Variants in TBX1 observed in about 807,000 individuals in gnomAD.
TBX1 encodes T-box transcription factor 1.
A neutral mutation model predicts 40.8 loss-of-function variants in TBX1; 16 were observed. The ratio of observed to expected loss-of-function variants is 0.39; its 90% CI spans 0.27 to 0.60. TBX1 has a LOEUF of 0.60. Among genes scored for constraint, TBX1 ranks in the 20% least tolerant of loss-of-function variants. The pLI, the probability that TBX1 is intolerant of heterozygous loss-of-function variation, is 0.51. For missense variants in TBX1, 755 were observed against 728.5 expected, an observed-to-expected ratio of 1.04 and a Z score of -0.42; for synonymous variants, 403 against 336.8, an observed-to-expected ratio of 1.20 and a Z score of -2.15.
At chr22:19,763,073 C>T (rs1412402967) in intron 1 of TBX1, among the ~76,000 whole-genome samples, 168 bp from the exon 2 acceptor site, 3 of 152,180 alleles carry the variant, frequency 2.0e-5, no homozygotes, top group African/African-American at 7.2e-5. Context: ...AGGGGCCTGC[C>T]CAGATTAGAG....
chr22:19,767,049 A>T lies in TBX1; in HGVS notation c.*182A>T. ...CTCGCCACCCCCAGCCCCTTGGGCT[A>T]TCGAAGTATCCGGTTCCCCAGTCCC... On this transcript the variant is annotated 3_prime_UTR_variant, in exon 7 of 7. Coordinates refer to ENST00000649276, the MANE Select transcript of TBX1 (RefSeq NM_001379200.1). 2 of 1,309,136 alleles carry T rather than the reference A, an allele frequency of 1.5e-6. No individual in the cohort carries two copies. The highest frequency in any genetic ancestry group is 1.9e-6 in the Non-Finnish European group (2 of 1,032,994). The allele number at this position is 1,309,136 out of a possible 1,614,324, so 81.1% of individuals were successfully genotyped here. A position where few individuals can be genotyped will look rare whatever the true frequency, so the allele number is the denominator to read the frequency against.
chr22:19,768,546 C>A (rs1411626575), downstream of TBX1, among the ~76,000 whole-genome samples: 1 of 152,112 alleles, frequency 6.6e-6, no homozygotes, highest in African/African-American at 2.4e-5. Flanking sequence ...TTTGGGGGGA[C>A]GGCTGTGGAT....
chr22:19,765,877 G>T, intron 5 of TBX1, 25 bp from the exon 6 acceptor site: 1 of 1,553,046 alleles, frequency 6.4e-7, no homozygotes, highest in Non-Finnish European at 8.7e-7. Context: ...CGCAGGCGCC[G>T]CCCTGATCCG....
At chr22:19,770,602 G>A (rs1194257477), downstream of TBX1, among the ~76,000 whole-genome samples, 1 of 152,232 alleles carries the variant, frequency 6.6e-6, no homozygotes, top group Non-Finnish European at 1.5e-5. Flanking sequence ...CTGGCCCGGT[G>A]GAGATGAGAC....
In TBX1 at chr22:19,765,110, T is replaced by G. The variant is rs2145835334; in HGVS notation, c.864T>G (p.His288Gln). Residue 288 changes from histidine to glutamine, a missense_variant, in exon 4 of 7, where the codon CAT becomes CAG. By Grantham distance (24) the His-to-Gln change is conservative. Coordinates refer to ENST00000649276, the MANE Select transcript of TBX1 (RefSeq NM_001379200.1). ...CCGCGGTCACTGCCTACCAGAACCA[T>G]CGGGTGAGGGCCTGTGGGGAGGACC... The part of the protein sequence containing the change: ...RFTAVTAYQN[H>Q]RITQLKIASN... 1 of 1,614,142 alleles carries G rather than the reference T, an allele frequency of 6.2e-7. No individual in the cohort carries two copies. Among genetic ancestry groups the G allele is most frequent in the East Asian group, 2.2e-5 (1 of 44,884 alleles).
intron 2 of TBX1, 87 bp downstream of exon 2, chr22:19,763,429 G>A (rs993672739): frequency 8.0e-6 from 10 of 1,253,032 alleles, no homozygotes; most frequent in East Asian, 4.7e-5. Flanking sequence ...TCCAAGGGTC[G>A]TCTGCACCAT....
In TBX1 at chr22:19,764,213, GGC is replaced by G; in HGVS notation, c.599_600del (p.Gly200AlafsTer61). ...GGGGAAGGCCGACCCTGCCACGCCAGGCCGCGTGCACTACCACCCGGACTCGC... is the reference window on the plus strand; with the variant it reads ...GGGGAAGGCCGACCCTGCCACGCCAGCGCGTGCACTACCACCCGGACTCGC... ...VAGKADPATP[G>X]RVHYHPDSPA... On this transcript the variant is annotated frameshift_variant, in exon 3 of 7. Transcript: ENST00000649276. LOFTEE classifies it high-confidence loss of function. 1 of 1,613,006 alleles carries G rather than the reference GGC, an allele frequency of 6.2e-7. No individual in the cohort carries two copies. The highest frequency in any genetic ancestry group is 8.5e-7 in the Non-Finnish European group (1 of 1,179,938).
In TBX1 at chr22:19,767,275, G is replaced by T; in HGVS notation, c.*408G>T. Reference sequence around the variant, plus strand: ...GGCGGTGTAGATACATGTAGATACTGTAGATACTGTAGATACCGCCCCGGC... The same window carrying T: ...GGCGGTGTAGATACATGTAGATACTTTAGATACTGTAGATACCGCCCCGGC... On this transcript the variant is annotated 3_prime_UTR_variant, in exon 7 of 7. Transcript: ENST00000649276. 1.0e-6 allele frequency: 1 copy of T among 1,001,884 alleles called. No homozygotes were observed. The highest frequency in any genetic ancestry group is 1.2e-6 in the Non-Finnish European group (1 of 841,072). 62.1% of individuals were successfully genotyped at this position (1,001,884 alleles called of 1,614,324 possible).
chr22:19,782,363 C>T (rs549605738), downstream of TBX1, among the ~76,000 whole-genome samples: 2 of 152,242 alleles, frequency 1.3e-5, no homozygotes, highest in South Asian at 2.1e-4. Context: ...ACAAGTCTTT[C>T]ACCTCCCTAG....
chr22:19,773,725 C>T (rs370831523), intron 8 of TBX1, among the ~76,000 whole-genome samples: 2 of 152,344 alleles, frequency 1.3e-5, no homozygotes, highest in African/African-American at 4.8e-5. Context: ...AGGATGGAGC[C>T]CCAGGCATCT....
chr22:19,763,960 G>A (rs1936750996), intron 2 of TBX1, among the ~76,000 whole-genome samples, 195 bp from the exon 3 acceptor site: 1 of 152,218 alleles, frequency 6.6e-6, no homozygotes. Flanking sequence ...ATTGTTTTGA[G>A]TGTTGGGGTG....
chr22:19,771,592 T>C (rs41300456), downstream of TBX1, among the ~76,000 whole-genome samples: 1,617 of 152,318 alleles, frequency 0.011, 17 homozygotes, highest in Non-Finnish European at 0.016. Flanking sequence ...TTGCACAAAG[T>C]AAGCACGTAA....
At chr22:19,765,248 G>T in intron 4 of TBX1, 135 bp downstream of exon 4, 1 of 1,365,726 alleles carries the variant, frequency 7.3e-7, no homozygotes, top group Non-Finnish European at 1.0e-6. Flanking sequence ...AACCCAACTG[G>T]AGCCCCACTC....
Position 19,778,457 on chromosome 22 carries a change from G to A in TBX1, c.1010-763G>A, listed in dbSNP as rs149270616. ...TCTTCTTCTTTTTTTTTTTTGAGAC[G>A]GAGTTTCGTTCTGGTTGCCCAGGCT... On this transcript the variant is annotated intron_variant, in intron 8 of 8. Coordinates refer to the TBX1 transcript ENST00000329705. 5.3e-3 allele frequency among the ~76,000 whole-genome samples: 777 copies of A among 145,648 alleles called. 8 individuals are homozygous for A. Among genetic ancestry groups the A allele is most frequent in the African/African-American group, 0.017 (652 of 39,232 alleles).
At position 19,772,794 on chromosome 22, in the gene TBX1, T is replaced by G. The variant is rs1318915861; in HGVS notation, c.1010-6426T>G. On this transcript the variant is annotated intron_variant, in intron 8 of 8. Transcript: ENST00000329705. ...CCCAGTCTACCCAGTTGCTCATGGC[T>G]GTGGTTTGGACCTTCAGCCATGAGG... Among the ~76,000 whole-genome samples the G allele has an allele frequency of 2.0e-5, 3 of 152,344 alleles. No individual in the cohort carries two copies. In the South Asian group the frequency reaches 6.2e-4, roughly 32 times the overall value.
In TBX1 at chr22:19,766,762, AGCCGCCGCGGCCGCCGCC is replaced by A. The variant is rs780815537; in HGVS notation, c.1416_1433del (p.Ala480_Ala485del). 6.7e-7 allele frequency: 1 copy of A among 1,488,686 alleles called. No individual in the cohort carries two copies. Among genetic ancestry groups the A allele is most frequent in the African/African-American group, 1.5e-5 (1 of 67,474 alleles). 92.2% of individuals were successfully genotyped at this position (1,488,686 alleles called of 1,614,324 possible). The stretch of plus-strand genomic sequence containing the variant: ...ACCACCACCACCACCCCGTGAGTCC[AGCCGCCGCGGCCGCCGCC>A]GCCGCTGCCGCAGCTGCCGCGGCCG... On this transcript the variant is annotated inframe_deletion, in exon 7 of 7. Coordinates refer to ENST00000649276, the MANE Select transcript of TBX1 (RefSeq NM_001379200.1).
intron 1 of TBX1, among the ~76,000 whole-genome samples, chr22:19,762,003 C>T (rs1356847091): frequency 6.6e-6 from 1 of 152,274 alleles, no homozygotes; most frequent in African/African-American, 2.4e-5. Flanking sequence ...CTAATGTACA[C>T]ACCAGCTCGG....
chr22:19,766,146 C>G, intron 6 of TBX1, 144 bp downstream of exon 6: 1 of 758,262 alleles, frequency 1.3e-6, no homozygotes, highest in Non-Finnish European at 1.6e-6. Flanking sequence ...CGGGCAAGCG[C>G]GCACTCGCCC....
downstream of TBX1, among the ~76,000 whole-genome samples, chr22:19,781,521 T>C (rs1206666506): frequency 6.6e-6 from 1 of 152,214 alleles, no homozygotes; most frequent in Non-Finnish European, 1.5e-5. Flanking sequence ...GATGGTGTCT[T>C]TTGATGCATA....
Sources: allele counts gnomAD v4.1 joint callset (sites outside exome capture counted in the v4.1 genomes callset), GRCh38; gene constraint gnomAD v4.1.1; transcripts MANE v1.5; gene names NCBI Gene and HGNC (gene_info 2026-07-23, HGNC 2026-07-21).